The following CLIP4 variants were observed in gnomAD, a reference collection of about 807,000 sequenced individuals.
CLIP4 encodes CAP-Gly domain containing linker protein family member 4, also known as CAP-Gly domain-containing linker protein 4.
CLIP4 carries 47 observed loss-of-function variants against 73.1 expected under a neutral mutation model. The observed-to-expected ratio is 0.64, with a 90% confidence interval of 0.51 to 0.82. The LOEUF is 0.82. CLIP4 is among the 40% of genes least tolerant of loss of function. The probability of loss-of-function intolerance (pLI) is 0.00; values close to 1 mark genes in which losing one functional copy is unlikely to be tolerated. For missense variants in CLIP4, 874 were observed against 852.9 expected (o/e 1.02, Z -0.31); for synonymous variants, 306 against 295.4 (o/e 1.04, Z -0.37).
At chr2:29,160,280 T>C (rs1178641280) in intron 11 of CLIP4, 53 bp from the exon 12 acceptor site, 13 of 1,612,616 alleles carry the variant, frequency 8.1e-6, no homozygotes, top group South Asian at 1.1e-5. Flanking sequence ...TCTCCCTTTG[T>C]TTTTTCTCCT....
chr2:29,159,306 C>T (rs1439165437), intron 11 of CLIP4, among the ~76,000 whole-genome samples: 1 of 152,118 alleles, frequency 6.6e-6, no homozygotes, highest in Admixed American at 6.5e-5. Flanking sequence ...TCTCTACTCC[C>T]TCTCAGATGG....
intron 1 of CLIP4, among the ~76,000 whole-genome samples, chr2:29,107,358 G>GTTTTTTTTTGTTTTTTTTTTTTT (rs1558504865): frequency 6.1e-5 from 4 of 65,352 alleles, no homozygotes; most frequent in Admixed American, 2.3e-4. Context: ...GAACATGATA[G>GTTTTTTTTTGTTTTTTTTTTTTT]TTTTTTTTTT....
chr2:29,140,669 T>G (rs1325647270), intron 6 of CLIP4, among the ~76,000 whole-genome samples: 9 of 152,202 alleles, frequency 5.9e-5, no homozygotes, highest in Admixed American at 2.0e-4. Flanking sequence ...ACTTCCACAA[T>G]GGTTGAACTA....
chr2:29,179,379 G>A (rs1383974578), intron 15 of CLIP4, among the ~76,000 whole-genome samples: 3 of 152,048 alleles, frequency 2.0e-5, no homozygotes, highest in Admixed American at 6.5e-5. Flanking sequence ...ACCTAATGGC[G>A]GCGTAAACCT....
At chr2:29,110,112 T>C (rs1021347131) in intron 1 of CLIP4, among the ~76,000 whole-genome samples, 4 of 152,074 alleles carry the variant, frequency 2.6e-5, no homozygotes, top group Admixed American at 1.3e-4. Flanking sequence ...CTAGATCAAC[T>C]GAATGGAAAT....
chr2:29,099,521 A>T (rs76469052), intron 1 of CLIP4, among the ~76,000 whole-genome samples: 1 of 152,276 alleles, frequency 6.6e-6, no homozygotes, highest in Non-Finnish European at 1.5e-5. Flanking sequence ...TATTTGAGTG[A>T]GTATATTTCT....
At chr2:29,133,528 T>G in intron 4 of CLIP4, 127 bp from the exon 5 acceptor site, 1 of 725,038 alleles carries the variant, frequency 1.4e-6, no homozygotes, top group Non-Finnish European at 2.1e-6. Context: ...TTCTTGCAAG[T>G]GAAATTTTTG....
chr2:29,152,587 G>A, intron 8 of CLIP4, 98 bp from the exon 9 acceptor site: 1 of 1,295,312 alleles, frequency 7.7e-7, no homozygotes, highest in Middle Eastern at 2.2e-4. Flanking sequence ...GGGCACTAAA[G>A]GTTTATATTA....
intron 8 of CLIP4, among the ~76,000 whole-genome samples, chr2:29,152,076 A>C (rs1429899913): frequency 4.6e-5 from 7 of 152,180 alleles, no homozygotes; most frequent in Non-Finnish European, 7.3e-5. Flanking sequence ...TGTGTAACAC[A>C]CTGTAATTAG....
At chr2:29,100,409 A>G (rs1668007575) in intron 1 of CLIP4, among the ~76,000 whole-genome samples, 1 of 152,158 alleles carries the variant, frequency 6.6e-6, no homozygotes, top group South Asian at 2.1e-4. Flanking sequence ...GACAGTATGG[A>G]GAATCCCTAT....
At chr2:29,108,568 A>G (rs1668298710) in intron 1 of CLIP4, among the ~76,000 whole-genome samples, 1 of 152,254 alleles carries the variant, frequency 6.6e-6, no homozygotes, top group Non-Finnish European at 1.5e-5. Context: ...AAACCACAGA[A>G]AGTGAAACTG....
At chr2:29,156,587 G>A (rs1224681796) in intron 10 of CLIP4, 144 bp downstream of exon 10, 4 of 611,130 alleles carry the variant, frequency 6.5e-6, no homozygotes, top group Non-Finnish European at 1.1e-5. Context: ...GGAAATCACT[G>A]AAGCAGCTCA....
intron 8 of CLIP4, among the ~76,000 whole-genome samples, chr2:29,145,600 G>T (rs1666102979): frequency 6.6e-6 from 1 of 152,162 alleles, no homozygotes; most frequent in South Asian, 2.1e-4. Flanking sequence ...ACATTTCCAG[G>T]AGGAAAGTCC....
chr2:29,115,644 CGA>C lies in CLIP4; in HGVS notation c.-33_-32del. The C allele has an allele frequency of 6.8e-6, 1 of 147,542 alleles. No individual in the cohort carries two copies. Among genetic ancestry groups the C allele is most frequent in the East Asian group, 2.0e-4 (1 of 5,068 alleles). The allele number at this position is 147,542 out of a possible 1,614,324, so 9.1% of individuals were successfully genotyped here. On this transcript the variant is annotated 5_prime_UTR_variant, in exon 1 of 16. Transcript: ENST00000320081. This position sits in a 1 kb window ranked among gnomAD's most constrained non-coding sequence, Gnocchi z 5.1. Reference sequence around the variant, plus strand: ...CCCCCGCGTCCCCAGCCGGCCGCTCCGAGAGGACCCGGAGGAGGCAGGTGGGC... The same window carrying C: ...CCCCCGCGTCCCCAGCCGGCCGCTCCGAGGACCCGGAGGAGGCAGGTGGGC...
chr2:29,181,358 TG>T (rs949908774), intron 15 of CLIP4, among the ~76,000 whole-genome samples: 1 of 152,210 alleles, frequency 6.6e-6, no homozygotes, highest in African/African-American at 2.4e-5. Context: ...TGTGTATGCG[TG>T]GACCCACGTA....
intron 7 of CLIP4, 71 bp downstream of exon 7, chr2:29,144,016 T>C: frequency 2.3e-6 from 2 of 851,224 alleles, no homozygotes; most frequent in Non-Finnish European, 3.5e-6. Flanking sequence ...GGACACAGTA[T>C]GGTCAGAGTT....
At chr2:29,123,123 T>C (rs1469597686) in intron 2 of CLIP4, among the ~76,000 whole-genome samples, 2 of 152,232 alleles carry the variant, frequency 1.3e-5, no homozygotes, top group Non-Finnish European at 2.9e-5. Context: ...AATTCCTTTA[T>C]AGGATAGCCT....
intron 2 of CLIP4, among the ~76,000 whole-genome samples, chr2:29,125,534 C>T (rs1664542382): frequency 6.6e-6 from 1 of 152,134 alleles, no homozygotes; most frequent in Non-Finnish European, 1.5e-5. Flanking sequence ...AGCTCTGTCT[C>T]TTCAACTCAG....
Position 29,152,846 on chromosome 2 carries a change from G to C in CLIP4, c.1165+18G>C, listed in dbSNP as rs775035852. On this transcript the variant is annotated intron_variant, in intron 9 of 15. Coordinates refer to ENST00000320081, the MANE Select transcript of CLIP4 (RefSeq NM_024692.6). ...AAATACTGGTAGGTCAAACCAGAAA[G>C]TTAACCATCTGCTTCAGTGTTTTAA... is the stretch of plus-strand genomic sequence containing the variant. 8.7e-6 allele frequency: 14 copies of C among 1,608,772 alleles called. No individual in the cohort carries two copies. In the South Asian group the frequency reaches 1.5e-4, roughly 17 times the overall value.
Sources: gnomAD v4.1 joint callset for allele counts (sites outside exome capture counted in the v4.1 genomes callset) on GRCh38, gnomAD v4.1.1 for gene constraint, Gnocchi (gnomAD v3.1) non-coding constraint, MANE v1.5 for transcripts, NCBI Gene and HGNC (gene_info 2026-07-23, HGNC 2026-07-21) for gene names.